Variants in ANKUB1 observed in about 807,000 individuals in gnomAD.
ANKUB1 encodes the protein ankyrin repeat and ubiquitin domain containing 1.
In ANKUB1, 42 loss-of-function variants were observed where a neutral mutation model predicts 49.3. That is an observed-to-expected ratio of 0.85 (90% confidence interval 0.67 to 1.10). The LOEUF is 1.10. Ranked by LOEUF, ANKUB1 falls within the 50% of genes least tolerant of loss-of-function variation. The pLI is 0.00. For missense variants in ANKUB1, 613 were observed against 642.0 expected (o/e 0.95, Z 0.49); for synonymous variants, 222 against 231.0 (o/e 0.96, Z 0.35).
At chr3:149,788,742 G>A (rs1718224446) in intron 2 of ANKUB1, among the ~76,000 whole-genome samples, 1 of 151,816 alleles carries the variant, frequency 6.6e-6, no homozygotes, top group Non-Finnish European at 1.5e-5. Flanking sequence ...GGAAACTGGG[G>A]GCCAGAGAAG....
At chr3:149,771,767 C>T (rs1041908878) in intron 3 of ANKUB1, among the ~76,000 whole-genome samples, 2 of 152,140 alleles carry the variant, frequency 1.3e-5, no homozygotes, top group East Asian at 3.9e-4. Flanking sequence ...ATCTTAGTGG[C>T]GATGATAGCT....
rs376839075 is a variant in ANKUB1, at chr3:149,767,429, C to T, written c.1233G>A (p.Val411=). Residue 411 remains valine, a synonymous_variant, in exon 5 of 6, where the codon GTG becomes GTA. Transcript: ENST00000446160. ...GTAATTCAGAGAATGAACTTGCATTCACCAGTGGATGAAATTTGAGGGCTT... is the reference window on the plus strand; with the variant it reads ...GTAATTCAGAGAATGAACTTGCATTTACCAGTGGATGAAATTTGAGGGCTT... ...RKQALKFHPL[V]NASSFSELQK... The T allele has an allele frequency of 6.4e-7, 1 of 1,551,712 alleles. No individual in the cohort carries two copies.
At chr3:149,764,137 T>C in intron 5 of ANKUB1, 1 of 420,148 alleles carries the variant, frequency 2.4e-6, no homozygotes, top group Non-Finnish European at 4.8e-6. Flanking sequence ...CGTCCATCCA[T>C]TCCTCATGTT....
chr3:149,768,600 G>C (rs1389728788), intron 4 of ANKUB1, among the ~76,000 whole-genome samples: 1 of 151,558 alleles, frequency 6.6e-6, no homozygotes, highest in African/African-American at 2.4e-5. Flanking sequence ...GGAGTGCAGT[G>C]ATGCAATCTT....
At chr3:149,763,394 C>A (rs1199046765) in intron 5 of ANKUB1, among the ~76,000 whole-genome samples, 1 of 152,108 alleles carries the variant, frequency 6.6e-6, no homozygotes, top group South Asian at 2.1e-4. Context: ...GAAAAAGATG[C>A]GTATTGAGCA....
intron 5 of ANKUB1, among the ~76,000 whole-genome samples, chr3:149,765,564 A>C (rs1716977012): frequency 6.6e-6 from 1 of 152,078 alleles, no homozygotes; most frequent in Non-Finnish European, 1.5e-5. Context: ...ACACACACAC[A>C]CACACCTTAA....
At chr3:149,780,638 TC>T (rs1288143116) in intron 2 of ANKUB1, among the ~76,000 whole-genome samples, 183 bp from the exon 3 acceptor site, 3 of 152,100 alleles carry the variant, frequency 2.0e-5, no homozygotes. Context: ...TATTAACAGG[TC>T]CCCCTGTTTG....
rs977953316 is a variant in ANKUB1 at position 149,767,561 on chromosome 3, G to T, written c.1101C>A (p.Asn367Lys). 5.2e-6 allele frequency: 8 copies of T among 1,551,686 alleles called. No individual in the cohort carries two copies. Among genetic ancestry groups the T allele is most frequent in the South Asian group, 1.2e-5 (1 of 84,056 alleles). Residue 367 changes from asparagine to lysine, a missense_variant, in exon 5 of 6, where the codon AAC (asparagine) becomes AAA (lysine). Asn to Lys is a moderately conservative substitution (Grantham distance 94). Transcript: ENST00000446160. ...TGAGCACGATGCTTTGTGAGTCGCT[G>T]TTCCCAGCCTTATGCCAGCTCTTGG... ...MTSKSWHKAGNSDSQSIVLKL... is the reference protein window; with the variant it reads ...MTSKSWHKAGKSDSQSIVLKL...
chr3:149,781,016 T>G (rs1717843906), intron 2 of ANKUB1, among the ~76,000 whole-genome samples: 1 of 150,954 alleles, frequency 6.6e-6, no homozygotes, highest in Admixed American at 6.6e-5. Context: ...TTTTTTTTTT[T>G]TGTCTCACTA....
chr3:149,791,084 A>G lies in ANKUB1; in HGVS notation c.91-160T>C, dbSNP rs563609391. On this transcript the variant is annotated intron_variant, in intron 1 of 5. Transcript: ENST00000446160. ...GGGGTTCTTAACTTAGAGAACTTCCAAAACATTTATGGGTAGAATTTAGAT... is the reference window on the plus strand; with the variant it reads ...GGGGTTCTTAACTTAGAGAACTTCCGAAACATTTATGGGTAGAATTTAGAT... Among the ~76,000 whole-genome samples the G allele has an allele frequency of 5.3e-5, 8 of 152,360 alleles. No individual in the cohort carries two copies. In the East Asian group the frequency reaches 1.3e-3, roughly 26 times the overall value.
intron 3 of ANKUB1, 46 bp downstream of exon 3, chr3:149,780,193 A>T (rs138748319): frequency 6.7e-7 from 1 of 1,490,416 alleles, no homozygotes; most frequent in East Asian, 2.5e-5. Flanking sequence ...GTATCAAAGG[A>T]CCCTAGTGCC....
chr3:149,772,006 A>C (rs1467077237), intron 3 of ANKUB1, among the ~76,000 whole-genome samples: 1 of 146,786 alleles, frequency 6.8e-6, no homozygotes, highest in Non-Finnish European at 1.5e-5. Context: ...TATATTAGAG[A>C]GTTTTCCTCC....
At chr3:149,782,782 C>T (rs1205223967) in intron 2 of ANKUB1, among the ~76,000 whole-genome samples, 1 of 152,182 alleles carries the variant, frequency 6.6e-6, no homozygotes, top group African/African-American at 2.4e-5. Flanking sequence ...TCAAGCAATC[C>T]ATCCACCTCA....
At chr3:149,763,381 T>C (rs2046770924) in intron 5 of ANKUB1, among the ~76,000 whole-genome samples, 1 of 152,208 alleles carries the variant, frequency 6.6e-6, no homozygotes, top group South Asian at 2.1e-4. Flanking sequence ...CTGTTTACCT[T>C]AAGAAAAAGA....
At chr3:149,781,982 G>A (rs185820442) in intron 2 of ANKUB1, among the ~76,000 whole-genome samples, 68 of 152,190 alleles carry the variant, frequency 4.5e-4, no homozygotes, top group African/African-American at 1.6e-3. Flanking sequence ...CTTTTGCCAC[G>A]CCGTGCTTTC....
Position 149,767,161 on chromosome 3 carries a change from C to T in ANKUB1, c.1501G>A (p.Ala501Thr), listed in dbSNP as rs1717062733. Reference sequence around the variant, plus strand: ...TGTTTAAGGGGAGAACATTACCTTGCCACAGCTAAGCAGTAGATTGCGTTC... The same window carrying T: ...TGTTTAAGGGGAGAACATTACCTTGTCACAGCTAAGCAGTAGATTGCGTTC... The part of the protein sequence containing the change: ...WENAIYCLAV[A>T]SAFKEKRWLQ... Residue 501 changes from alanine (A) to threonine (T), a missense_variant, in exon 5 of 6, where the codon GCA becomes ACA. Physicochemically the swap from Ala to Thr is moderately conservative, Grantham distance 58. Coordinates refer to ENST00000446160, the MANE Select transcript of ANKUB1 (RefSeq NM_001144960.3). 6.6e-7 allele frequency: 1 copy of T among 1,514,440 alleles called. No homozygotes were observed. Among genetic ancestry groups the T allele is most frequent in the Admixed American group, 2.3e-5 (1 of 42,866 alleles). The allele number at this position is 1,514,440 out of a possible 1,614,324, so 93.8% of individuals were successfully genotyped here.
At chr3:149,765,248 A>T (rs1182040952) in intron 5 of ANKUB1, among the ~76,000 whole-genome samples, 1 of 152,234 alleles carries the variant, frequency 6.6e-6, no homozygotes, top group Non-Finnish European at 1.5e-5. Flanking sequence ...CTTTATATGA[A>T]GTTCAAGAAC....
At chr3:149,781,307 C>A (rs2171806) in intron 2 of ANKUB1, among the ~76,000 whole-genome samples, 118,430 of 152,194 alleles carry the variant, frequency 0.78, 46,319 homozygotes, top group East Asian at 0.9. Context: ...CAAGCCAAAC[C>A]AAAACTCAAA....
At chr3:149,775,307 G>A (rs1717545003) in intron 3 of ANKUB1, among the ~76,000 whole-genome samples, 1 of 152,116 alleles carries the variant, frequency 6.6e-6, no homozygotes, top group Non-Finnish European at 1.5e-5. Flanking sequence ...TGTGATGGAA[G>A]AAACAAAATA....
Sources: gnomAD v4.1 joint callset for allele counts (sites outside exome capture counted in the v4.1 genomes callset) on GRCh38, gnomAD v4.1.1 for gene constraint, MANE v1.5 for transcripts, NCBI Gene and HGNC (gene_info 2026-07-23, HGNC 2026-07-21) for gene names.